Variants in CDCA2 observed in about 807,000 individuals in gnomAD.
The protein encoded by CDCA2 is cell division cycle-associated protein 2.
Under a neutral mutation model 67.0 loss-of-function variants are expected in CDCA2, and 44 were observed. The observed-to-expected ratio is 0.66, with a 90% confidence interval of 0.52 to 0.84. CDCA2 has a LOEUF of 0.84. CDCA2 is among the 40% of genes least tolerant of loss of function. CDCA2 has a pLI of 0.00. For missense variants in CDCA2, 1,253 were observed against 1,203.2 expected, an observed-to-expected ratio of 1.04 and a Z score of -0.61; for synonymous variants, 447 against 418.7, an observed-to-expected ratio of 1.07 and a Z score of -0.82.
At chr8:25,474,093 A>T (rs952936351) in intron 7 of CDCA2, among the ~76,000 whole-genome samples, 1 of 152,236 alleles carries the variant, frequency 6.6e-6, no homozygotes, top group African/African-American at 2.4e-5. Context: ...TATGTCATGT[A>T]TCACATAGAT....
At chr8:25,499,294 A>ATTTTT (rs34849682) in intron 13 of CDCA2, among the ~76,000 whole-genome samples, 4 of 83,202 alleles carry the variant, frequency 4.8e-5, no homozygotes, top group African/African-American at 9.8e-5. Flanking sequence ...ATGTCCATGA[A>ATTTTT]TTTTTTTTTT....
chr8:25,467,947 A>G (rs1183695602), intron 5 of CDCA2, among the ~76,000 whole-genome samples: 1 of 151,776 alleles, frequency 6.6e-6, no homozygotes, highest in Admixed American at 6.6e-5. Context: ...GTGAAACCCC[A>G]TCTCTACTAA....
At position 25,503,316 on chromosome 8, in the gene CDCA2, A is replaced by G. The variant is rs1227726013; in HGVS notation, c.1672-57A>G. The G allele has an allele frequency of 1.9e-5, 27 of 1,394,764 alleles. No individual in the cohort carries two copies. In the Admixed American group the frequency reaches 2.1e-4, roughly 11 times the overall value. The allele number at this position is 1,394,764 out of a possible 1,614,324, so 86.4% of individuals were successfully genotyped here. ...ATAAAAATAACTAGTTAAAGGGTCA[A>G]AATTTTACATGGTGCTACATCTTTC... On this transcript the variant is annotated intron_variant, in intron 13 of 14. Coordinates refer to ENST00000330560, the MANE Select transcript of CDCA2 (RefSeq NM_152562.4).
At chr8:25,481,701 A>G (rs1383004915) in intron 8 of CDCA2, among the ~76,000 whole-genome samples, 5 of 152,224 alleles carry the variant, frequency 3.3e-5, no homozygotes, top group African/African-American at 1.2e-4. Context: ...AAAAAAAAAG[A>G]AAAGAAAACA....
chr8:25,477,739 C>T (rs1175349371), intron 7 of CDCA2, among the ~76,000 whole-genome samples: 1 of 152,042 alleles, frequency 6.6e-6, no homozygotes, highest in Non-Finnish European at 1.5e-5. Context: ...TATCCAGCTC[C>T]CTTTCATGAC....
Position 25,507,484 on chromosome 8 carries a change from GAA to G in CDCA2, c.2820_2821del (p.Glu940AspfsTer30). On this transcript the variant is annotated frameshift_variant, in exon 15 of 15. Coordinates refer to ENST00000330560, the MANE Select transcript of CDCA2 (RefSeq NM_152562.4). LOFTEE classifies it low-confidence loss of function (END_TRUNC). ...ATTTGAAAGTATGTCTCCCATAAAA[GAA>G]ACTGTGTCCTCCAGACAAAAACCGC... is the stretch of plus-strand genomic sequence containing the variant. The part of the protein sequence containing the change: ...SGFESMSPIK[E>X]TVSSRQKPQM... 6.2e-7 allele frequency: 1 copy of G among 1,613,854 alleles called. No homozygotes were observed. Among genetic ancestry groups the G allele is most frequent in the Non-Finnish European group, 8.5e-7 (1 of 1,179,956 alleles).
Position 25,498,302 on chromosome 8 carries a change from G to T in CDCA2, c.1672-5071G>T, listed in dbSNP as rs554306951. ...GGCTCACTGCAACCTCCTCCTCCCCGGTTCAAGTGATTCTCCTGCCTCAGC... is the reference window on the plus strand; with the variant it reads ...GGCTCACTGCAACCTCCTCCTCCCCTGTTCAAGTGATTCTCCTGCCTCAGC... On this transcript the variant is annotated intron_variant, in intron 13 of 14. Transcript: ENST00000330560. 4.6e-5 allele frequency among the ~76,000 whole-genome samples: 7 copies of T among 152,130 alleles called. 1 individual carries two copies. In the South Asian group the frequency reaches 1.0e-3, roughly 23 times the overall value.
intron 10 of CDCA2, among the ~76,000 whole-genome samples, chr8:25,485,505 T>G (rs1803739585): frequency 6.6e-6 from 1 of 152,190 alleles, no homozygotes; most frequent in Non-Finnish European, 1.5e-5. Context: ...TACTTTCGCT[T>G]ATAAATTTTC....
In CDCA2 at chr8:25,466,299, G is replaced by A. The variant is rs776067044; in HGVS notation, c.512G>A (p.Gly171Glu). The change falls in exon 5 of 15, where the codon GGA (glycine) becomes GAA (glutamate). Residue 171 changes from glycine (G) to glutamate (E), a missense_variant. Transcript: ENST00000330560. ...GGCTGTCTGGAATTCTCAGAGGCAG[G>A]AAAAGAGTCCGAGATGACAGACTTG... Reference protein sequence around the residue: ...MTGCLEFSEAGKESEMTDLTR... With the variant: ...MTGCLEFSEAEKESEMTDLTR... The A allele has an allele frequency of 3.1e-6, 5 of 1,606,448 alleles. No homozygotes were observed. The East Asian group carries it at 6.7e-5, about 22-fold the overall frequency.
intron 14 of CDCA2, among the ~76,000 whole-genome samples, chr8:25,505,749 G>T (rs981661700): frequency 6.6e-6 from 1 of 151,830 alleles, no homozygotes. Flanking sequence ...TATCATCTGA[G>T]GTATCAAAAA....
chr8:25,460,438 C>G lies in CDCA2; in HGVS notation c.116C>G (p.Ala39Gly). 6.2e-7 allele frequency: 1 copy of G among 1,614,152 alleles called. No individual in the cohort carries two copies. ...AAGATTGTGACTCCTCAGAAGCATGCCGAATTACCTCCTAATCCTTGCACA... is the reference window on the plus strand; with the variant it reads ...AAGATTGTGACTCCTCAGAAGCATGGCGAATTACCTCCTAATCCTTGCACA... ...TGKIVTPQKH[A>G]ELPPNPCTPD... The change falls in exon 3 of 15, where the codon GCC becomes GGC. Residue 39 changes from alanine (A) to glycine (G), a missense_variant. Physicochemically the swap from Ala to Gly is moderately conservative, Grantham distance 60. Transcript: ENST00000330560.
At chr8:25,461,290 A>C (rs897262160) in intron 3 of CDCA2, among the ~76,000 whole-genome samples, 12 of 135,860 alleles carry the variant, frequency 8.8e-5, no homozygotes, top group South Asian at 2.4e-4. Flanking sequence ...AAAAAAAAAA[A>C]ACACAAACAG....
At position 25,462,162 on chromosome 8, in the gene CDCA2, T is replaced by C. The variant is rs116429520; in HGVS notation, c.341T>C (p.Ile114Thr). ...CGTTTCATTGCTCGGCAGCAAAATA[T>C]AAAGAATGCTAGGAAATCTCCTTTG... ...LIRFIARQQN[I>T]KNARKSPLAQ... is the part of the protein sequence containing the mutation. The change falls in exon 4 of 15, where the codon ATA (isoleucine) becomes ACA (threonine). Residue 114 changes from isoleucine to threonine, a missense_variant. Physicochemically the swap from Ile to Thr is moderately conservative, Grantham distance 89. Transcript: ENST00000330560. 3,841 of 1,614,210 alleles carry C rather than the reference T, an allele frequency of 2.4e-3. 11 individuals are homozygous for C. The highest frequency in any genetic ancestry group is 2.8e-3 in the Non-Finnish European group (3,295 of 1,180,018).
chr8:25,468,527 C>G (rs1009684628), intron 6 of CDCA2, 114 bp downstream of exon 6: 14 of 405,604 alleles, frequency 3.5e-5, no homozygotes, highest in Non-Finnish European at 5.8e-5. Context: ...CCCTGTGGTT[C>G]CTGGGGTGTG....
Position 25,498,246 on chromosome 8 carries a change from C to T in CDCA2, c.1672-5127C>T, listed in dbSNP as rs536634434. On this transcript the variant is annotated intron_variant, in intron 13 of 14. Coordinates refer to ENST00000330560, the MANE Select transcript of CDCA2 (RefSeq NM_152562.4). ...TTGTTGGAATGGAGTCTCGCTCTGT[C>T]GCCCAGGCTGGAGTTCAGTGGCACG... Among the ~76,000 whole-genome samples, 33 of 152,182 alleles carry T rather than the reference C, an allele frequency of 2.2e-4. No homozygotes were observed. The East Asian group carries it at 5.4e-3, about 25-fold the overall frequency.
chr8:25,495,579 T>G (rs1034397476), intron 13 of CDCA2, among the ~76,000 whole-genome samples: 1 of 152,124 alleles, frequency 6.6e-6, no homozygotes, highest in Non-Finnish European at 1.5e-5. Flanking sequence ...CACGCCCGGC[T>G]AATTTTTTAT....
intron 14 of CDCA2, among the ~76,000 whole-genome samples, chr8:25,504,546 A>G (rs114619036): frequency 0.025 from 3,737 of 152,272 alleles, 146 homozygotes; most frequent in African/African-American, 0.085. Flanking sequence ...GCGGTATACC[A>G]TACAAGATTA....
At chr8:25,500,306 G>A (rs913895738) in intron 13 of CDCA2, among the ~76,000 whole-genome samples, 1 of 144,630 alleles carries the variant, frequency 6.9e-6, no homozygotes, top group Admixed American at 7.1e-5. Flanking sequence ...ATTATAATCT[G>A]GTGGCATTGC....
rs1803517693 is a variant in CDCA2 at position 25,480,261 on chromosome 8, ATCTTT to A, written c.1032+142_1032+146del. 1.8e-5 allele frequency: 13 copies of A among 712,612 alleles called. No homozygotes were observed. In the South Asian group the frequency reaches 2.6e-4, roughly 14 times the overall value. The allele number at this position is 712,612 out of a possible 1,614,324, so 44.1% of individuals were successfully genotyped here. ...CGTCTTACCGTAAATTTTTTTCCTC[ATCTTT>A]TCTTATTAACAACACTGGGTGTAGT... On this transcript the variant is annotated intron_variant, in intron 8 of 14. Transcript: ENST00000330560.
Sources: gnomAD v4.1 joint callset for allele counts (sites outside exome capture counted in the v4.1 genomes callset) on GRCh38, gnomAD v4.1.1 for gene constraint, MANE v1.5 for transcripts, NCBI Gene and HGNC (gene_info 2026-07-23, HGNC 2026-07-21) for gene names.